MUC5B: variants seen among roughly 807,000 people sequenced by gnomAD.
MUC5B encodes the protein mucin-5B.
Under a neutral mutation model 376.9 loss-of-function variants are expected in MUC5B, and 116 were observed. The observed-to-expected ratio is 0.31, with a 90% confidence interval of 0.26 to 0.36. The LOEUF (loss-of-function observed/expected upper bound fraction) is 0.36, where lower values mean the gene tolerates loss of function less well. MUC5B is among the 10% of genes least tolerant of loss of function. MUC5B has a pLI of 1.00. For missense variants in MUC5B, 7,165 were observed against 7,769.9 expected (o/e 0.92, Z 2.93); for synonymous variants, 3,517 against 3,390.9 (o/e 1.04, Z -1.29).
intron 46 of MUC5B, 22 bp downstream of exon 46, chr11:1,260,107 C>T: frequency 6.2e-7 from 1 of 1,610,782 alleles, no homozygotes; most frequent in Non-Finnish European, 8.5e-7. Flanking sequence ...AGGCCCTGCC[C>T]CTGCCTGGGA....
intron 13 of MUC5B, 41 bp from the exon 14 acceptor site, chr11:1,231,382 C>T (rs748432886): frequency 6.3e-7 from 1 of 1,579,808 alleles, no homozygotes; most frequent in Non-Finnish European, 8.6e-7. Context: ...CCAGATCTGT[C>T]CCTGCACCCC....
chr11:1,251,050 A>G lies in MUC5B; in HGVS notation c.14170A>G (p.Thr4724Ala). 1 of 1,611,206 alleles carries G rather than the reference A, an allele frequency of 6.2e-7. No individual in the cohort carries two copies. Among genetic ancestry groups the G allele is most frequent in the Non-Finnish European group, 8.5e-7 (1 of 1,178,206 alleles). The stretch of plus-strand genomic sequence containing the variant: ...ACCCGCAGCCACCAGCTCCAAAGCC[A>G]CTTCCTCCTCCAGTCCAAGGACTGC... ...TTPAATSSKA[T>A]SSSSPRTATT... Residue 4724 changes from threonine to alanine, a missense_variant, in exon 31 of 49, where the codon ACT (threonine) becomes GCT (alanine). Physicochemically the swap from Thr to Ala is moderately conservative, Grantham distance 58. This residue lies in a region of MUC5B where 730 missense variants were observed against 592.7 expected (regional missense o/e 1.23). Coordinates refer to ENST00000529681, the MANE Select transcript of MUC5B (RefSeq NM_002458.3).
intron 35 of MUC5B, 52 bp from the exon 36 acceptor site, chr11:1,254,989 G>T: frequency 1.4e-6 from 2 of 1,469,946 alleles, no homozygotes; most frequent in Middle Eastern, 1.9e-4. Flanking sequence ...GGGGGTGGGG[G>T]CTGTGAAAGG....
In MUC5B at chr11:1,247,182, T is replaced by G. The variant is rs375991593; in HGVS notation, c.10302T>G (p.Thr3434=). The G allele has an allele frequency of 6.4e-7, 1 of 1,556,072 alleles. No individual in the cohort carries two copies. The highest frequency in any genetic ancestry group is 1.8e-5 in the Admixed American group (1 of 55,578). Residue 3434 remains threonine, a synonymous_variant, in exon 31 of 49, where the codon ACT becomes ACG. Coordinates refer to ENST00000529681, the MANE Select transcript of MUC5B (RefSeq NM_002458.3). The part of the protein sequence containing the change: ...TTPAATSSTV[T]PSSALGTTHT... Reference sequence around the variant, plus strand: ...CTGCAGCCACCAGCAGCACAGTGACTCCCTCCTCTGCCCTAGGGACCACCC... The same window carrying G: ...CTGCAGCCACCAGCAGCACAGTGACGCCCTCCTCTGCCCTAGGGACCACCC...
Position 1,250,945 on chromosome 11 carries a change from G to A in MUC5B, c.14065G>A (p.Ala4689Thr). 6.2e-7 allele frequency: 1 copy of A among 1,607,684 alleles called. No individual in the cohort carries two copies. The highest frequency in any genetic ancestry group is 8.5e-7 in the Non-Finnish European group (1 of 1,176,716). The change falls in exon 31 of 49, where the codon GCC becomes ACC. Residue 4689 changes from alanine to threonine, a missense_variant. Ala to Thr is a moderately conservative substitution (Grantham distance 58). Around this residue, in one of 31 missense-constraint regions of MUC5B, gnomAD observed 730 missense variants for 592.7 expected, o/e 1.23. Coordinates refer to ENST00000529681, the MANE Select transcript of MUC5B (RefSeq NM_002458.3). ...SLTTTATTIT[A>T]TGSTTNPSST... The stretch of plus-strand genomic sequence containing the variant: ...GACCACCACGGCCACTACGATCACG[G>A]CCACCGGCTCCACCACCAACCCCTC...
chr11:1,225,659 C>T (rs1395966714), intron 1 of MUC5B, 22 bp from the exon 2 acceptor site: 10 of 1,585,672 alleles, frequency 6.3e-6, no homozygotes, highest in Admixed American at 1.8e-5. Context: ...TCCTCACTGA[C>T]TCCCATTCCC....
chr11:1,236,796 C>T, intron 24 of MUC5B, 129 bp from the exon 25 acceptor site: 2 of 1,234,042 alleles, frequency 1.6e-6, no homozygotes, highest in Non-Finnish European at 2.2e-6. Flanking sequence ...TCACCAGGCA[C>T]TGCCTGGGGA....
rs561756262 is a variant in MUC5B at position 1,251,795 on chromosome 11, A to T, written c.14863+52A>T. 23 of 1,312,492 alleles carry T rather than the reference A, an allele frequency of 1.8e-5. No individual in the cohort carries two copies. In the East Asian group the frequency reaches 5.1e-4, roughly 29 times the overall value. 81.3% of individuals were successfully genotyped at this position (1,312,492 alleles called of 1,614,324 possible). A position where few individuals can be genotyped will look rare whatever the true frequency, so the allele number is the denominator to read the frequency against. On this transcript the variant is annotated intron_variant, in intron 31 of 48. Coordinates refer to ENST00000529681, the MANE Select transcript of MUC5B (RefSeq NM_002458.3). ...TACCCTTTCCCCACATGCTATGCCAACCTGGGTCTGCCTGTCCTGGGAGCC... is the reference window on the plus strand; with the variant it reads ...TACCCTTTCCCCACATGCTATGCCATCCTGGGTCTGCCTGTCCTGGGAGCC...
intron 19 of MUC5B, 134 bp downstream of exon 19, chr11:1,233,982 C>A: frequency 1.0e-6 from 1 of 953,454 alleles, no homozygotes; most frequent in Non-Finnish European, 1.6e-6. Context: ...CTGGGCTCTG[C>A]CACAGGCACC....
chr11:1,232,727 C>T lies in MUC5B; in HGVS notation c.2022C>T (p.Ala674=), dbSNP rs577898308. ...AALSSYVHAC[A]AKGVQLSDWR... ...TGTCCTCCTATGTGCACGCCTGTGC[C>T]GCCAAGGGCGTACAGCTCAGCGACT... The change falls in exon 17 of 49, where the codon GCC becomes GCT. Residue 674 remains alanine, a synonymous_variant. Coordinates refer to ENST00000529681, the MANE Select transcript of MUC5B (RefSeq NM_002458.3). 8 of 1,600,874 alleles carry T rather than the reference C, an allele frequency of 5.0e-6. No homozygotes were observed. The highest frequency in any genetic ancestry group is 1.6e-4 in the Middle Eastern group (1 of 6,068).
At position 1,258,065 on chromosome 11, in the gene MUC5B, C is replaced by T. The variant is rs1862891522; in HGVS notation, c.16451-34C>T. ...ACAAGTGGTCGGGAGGAGGAGTGAGCAGCGCCCAGACAGTGGCCTCCATCC... is the reference window on the plus strand; with the variant it reads ...ACAAGTGGTCGGGAGGAGGAGTGAGTAGCGCCCAGACAGTGGCCTCCATCC... On this transcript the variant is annotated intron_variant, in intron 41 of 48. Coordinates refer to ENST00000529681, the MANE Select transcript of MUC5B (RefSeq NM_002458.3). This position sits in a 1 kb window ranked among gnomAD's most constrained non-coding sequence, Gnocchi z 5.5. 3.9e-6 allele frequency: 6 copies of T among 1,528,464 alleles called. No homozygotes were observed. In the East Asian group the frequency reaches 1.5e-4, roughly 37 times the overall value. 94.7% of individuals were successfully genotyped at this position (1,528,464 alleles called of 1,614,324 possible). A position where few individuals can be genotyped will look rare whatever the true frequency, so the allele number is the denominator to read the frequency against.
At position 1,246,344 on chromosome 11, in the gene MUC5B, C is replaced by T. The variant is rs1355248561; in HGVS notation, c.9464C>T (p.Ser3155Phe). 2 of 1,603,842 alleles carry T rather than the reference C, an allele frequency of 1.2e-6. No individual in the cohort carries two copies. Among genetic ancestry groups the T allele is most frequent in the African/African-American group, 2.7e-5 (2 of 74,730 alleles). ...GCCACTGGCCCCACGGCCACCCCGT[C>T]CTCCACCCCAGGGACCACCTGGATC... ...TAATGPTATPSSTPGTTWILT... is the reference protein window; with the variant it reads ...TAATGPTATPFSTPGTTWILT... Residue 3155 changes from serine (S) to phenylalanine (F), a missense_variant, in exon 31 of 49, where the codon TCC becomes TTC. Transcript: ENST00000529681.
chr11:1,259,778 C>T lies in MUC5B; in HGVS notation c.16736C>T (p.Ala5579Val). The T allele has an allele frequency of 6.2e-7, 1 of 1,612,404 alleles. No homozygotes were observed. Among genetic ancestry groups the T allele is most frequent in the South Asian group, 1.1e-5 (1 of 91,082 alleles). Residue 5579 changes from alanine (A) to valine (V), a missense_variant, in exon 45 of 49, where the codon GCC becomes GTC. Ala to Val is a moderately conservative substitution (Grantham distance 64, BLOSUM62 0). This residue lies in a region of MUC5B where 842 missense variants were observed against 1,016.9 expected (regional missense o/e 0.83). Coordinates refer to ENST00000529681, the MANE Select transcript of MUC5B (RefSeq NM_002458.3). ...CAGGGCTTTGAGTACAAGAGAGTGG[C>T]CGGGCAGTGCTGTGGGGAGTGCGTC... is the stretch of plus-strand genomic sequence containing the variant. ...CPQGFEYKRVAGQCCGECVQT... is the reference protein window; with the variant it reads ...CPQGFEYKRVVGQCCGECVQT...
rs1352088870 is a variant in MUC5B, at chr11:1,242,533, T to A, written c.5653T>A (p.Cys1885Ser). Residue 1885 changes from cysteine (C) to serine (S), a missense_variant, in exon 31 of 49, where the codon TGC becomes AGC. Around this residue, in one of 31 missense-constraint regions of MUC5B, gnomAD observed 897 missense variants for 779.6 expected, o/e 1.15. Transcript: ENST00000529681. ...GCTTTGCTGTGACGACTACAGCCACTGCCCCAGTACCCCAGCCACCAGCTC... is the reference window on the plus strand; with the variant it reads ...GCTTTGCTGTGACGACTACAGCCACAGCCCCAGTACCCCAGCCACCAGCTC... ...RVLCCDDYSH[C>S]PSTPATSSTA... is the part of the protein sequence containing the mutation. The A allele has an allele frequency of 6.2e-7, 1 of 1,613,770 alleles. No homozygotes were observed. The highest frequency in any genetic ancestry group is 8.5e-7 in the Non-Finnish European group (1 of 1,179,804).
Position 1,254,583 on chromosome 11 carries a change from G to A in MUC5B, c.15478-111G>A, listed in dbSNP as rs907842455. On this transcript the variant is annotated intron_variant, in intron 34 of 48. Transcript: ENST00000529681. Reference sequence around the variant, plus strand: ...GGGAAGATCTGGGCTTTGGGGTGGGGGATACACAGGGGGGTCTCTGCACAT... The same window carrying A: ...GGGAAGATCTGGGCTTTGGGGTGGGAGATACACAGGGGGGTCTCTGCACAT... 7 of 1,273,082 alleles carry A rather than the reference G, an allele frequency of 5.5e-6. No individual in the cohort carries two copies. In the African/African-American group the frequency reaches 9.0e-5, roughly 16 times the overall value. 78.9% of individuals were successfully genotyped at this position (1,273,082 alleles called of 1,614,324 possible).
Position 1,245,986 on chromosome 11 carries a change from A to T in MUC5B, c.9106A>T (p.Ser3036Cys), listed in dbSNP as rs761698633. Reference protein sequence around the residue: ...TSTATTPTATSSKATSSSSPR... With the variant: ...TSTATTPTATCSKATSSSSPR... ...CACGGCCACCACACCCACAGCCACCAGTTCCAAAGCCACTTCCTCCTCCAG... is the reference window on the plus strand; with the variant it reads ...CACGGCCACCACACCCACAGCCACCTGTTCCAAAGCCACTTCCTCCTCCAG... Residue 3036 changes from serine to cysteine, a missense_variant, in exon 31 of 49, where the codon AGT becomes TGT. Transcript: ENST00000529681. 1.9e-6 allele frequency: 3 copies of T among 1,612,506 alleles called. No individual in the cohort carries two copies. Among genetic ancestry groups the T allele is most frequent in the Non-Finnish European group, 2.5e-6 (3 of 1,179,488 alleles).
Position 1,252,721 on chromosome 11 carries a change from C to G in MUC5B, c.15046-88C>G, listed in dbSNP as rs28438433. 4 of 1,487,396 alleles carry G rather than the reference C, an allele frequency of 2.7e-6. No individual in the cohort carries two copies. The South Asian group carries it at 5.3e-5, about 20-fold the overall frequency. The allele number at this position is 1,487,396 out of a possible 1,614,324, so 92.1% of individuals were successfully genotyped here. On this transcript the variant is annotated intron_variant, in intron 32 of 48. Transcript: ENST00000529681. ...CCTCAGGCAGGCTCTTGTGGCCACCCGGGGCTTTGGGCCATGAGGGGTGGG... is the reference window on the plus strand; with the variant it reads ...CCTCAGGCAGGCTCTTGTGGCCACCGGGGGCTTTGGGCCATGAGGGGTGGG...
rs948182883 is a variant in MUC5B at position 1,232,049 on chromosome 11, G to A, written c.1732G>A (p.Gly578Arg). 16 of 1,612,692 alleles carry A rather than the reference G, an allele frequency of 9.9e-6. No individual in the cohort carries two copies. Among genetic ancestry groups the A allele is most frequent in the Admixed American group, 1.7e-5 (1 of 59,992 alleles). ...GGCTGACGACTTCACGGCCCTCAGC[G>A]GGGTGGTGGAGGCCACGGGCGCAGC... Reference protein sequence around the residue: ...NQADDFTALSGVVEATGAAFA... With the variant: ...NQADDFTALSRVVEATGAAFA... Residue 578 changes from glycine (G) to arginine (R), a missense_variant, in exon 15 of 49, where the codon GGG becomes AGG. By Grantham distance (125) the Gly-to-Arg change is moderately radical. Transcript: ENST00000529681.
In MUC5B at chr11:1,234,436, C is replaced by T. The variant is rs1862110169; in HGVS notation, c.2479-93C>T. 5 of 1,510,444 alleles carry T rather than the reference C, an allele frequency of 3.3e-6. No individual in the cohort carries two copies. Among genetic ancestry groups the T allele is most frequent in the Non-Finnish European group, 4.5e-6 (5 of 1,119,042 alleles). The allele number at this position is 1,510,444 out of a possible 1,614,324, so 93.6% of individuals were successfully genotyped here. A position where few individuals can be genotyped will look rare whatever the true frequency, so the allele number is the denominator to read the frequency against. ...GCTCCGCCCTGGCCCATGCGTTGCC[C>T]TGGGTGCTGCTGGGTGCGCCTGTCC... On this transcript the variant is annotated intron_variant, in intron 20 of 48. Transcript: ENST00000529681. This position sits in a 1 kb window ranked among gnomAD's most constrained non-coding sequence, Gnocchi z 6.3.
Sources: allele counts gnomAD v4.1 joint callset, GRCh38; gene constraint gnomAD v4.1.1; regional missense constraint gnomAD v4.1.1; non-coding constraint Gnocchi (gnomAD v3.1); transcripts MANE v1.5; gene names NCBI Gene and HGNC (gene_info 2026-07-23, HGNC 2026-07-21).